Variants in EAPP observed in about 807,000 individuals in gnomAD.
The protein encoded by EAPP is E2F-associated phosphoprotein.
Under a neutral mutation model 34.3 loss-of-function variants are expected in EAPP, and 38 were observed. The observed-to-expected ratio is 1.11, with a 90% CI of 0.85 to 1.45. EAPP has a LOEUF of 1.45. EAPP is among the 40% of genes most tolerant of loss of function. The pLI is 0.00. For synonymous variants in EAPP, 113 were observed against 117.6 expected, an observed-to-expected ratio of 0.96 and a Z score of 0.25; for missense variants, 338 against 343.7, an observed-to-expected ratio of 0.98 and a Z score of 0.13.
chr14:34,522,582 T>G (rs1485301127), intron 5 of EAPP, among the ~76,000 whole-genome samples: 1 of 152,176 alleles, frequency 6.6e-6, no homozygotes, highest in Non-Finnish European at 1.5e-5. Context: ...GCCTAGAGAT[T>G]CTTTGTAATT....
chr14:34,533,502 C>A lies in EAPP; in HGVS notation c.294G>T (p.Pro98=). The A allele has an allele frequency of 6.3e-7, 1 of 1,599,414 alleles. No homozygotes were observed. The highest frequency in any genetic ancestry group is 8.5e-7 in the Non-Finnish European group (1 of 1,175,954). The change falls in exon 3 of 6, where the codon CCG becomes CCT. Residue 98 remains proline (P), a synonymous_variant. Transcript: ENST00000250454. ...AATATATATCATCGTAGTACCTTGT[C>A]GGAGCTGTTGCAACTTTTCCATTTC... is the stretch of plus-strand genomic sequence containing the variant. ...SSGNGKVATA[P]TRYYDDIYFD...
intron 5 of EAPP, among the ~76,000 whole-genome samples, chr14:34,522,740 A>G: frequency 6.6e-6 from 1 of 152,220 alleles, no homozygotes; most frequent in East Asian, 1.9e-4. Context: ...GTGGGTCCCA[A>G]AGAGGATAGG....
intron 2 of EAPP, among the ~76,000 whole-genome samples, 193 bp from the exon 3 acceptor site, chr14:34,533,732 A>T (rs1880372764): frequency 6.6e-6 from 1 of 152,206 alleles, no homozygotes; most frequent in Non-Finnish European, 1.5e-5. Flanking sequence ...GGCCCTCCTT[A>T]AAATGTTCCA....
chr14:34,538,248 G>A (rs537801086), intron 1 of EAPP, among the ~76,000 whole-genome samples: 10 of 152,150 alleles, frequency 6.6e-5, no homozygotes, highest in South Asian at 2.1e-4. Context: ...GTGTGGTAGC[G>A]CATGCCTGTA....
chr14:34,528,508 A>G (rs1163113449), intron 4 of EAPP, among the ~76,000 whole-genome samples: 1 of 124,940 alleles, frequency 8.0e-6, no homozygotes, highest in African/African-American at 3.2e-5. Context: ...TGCAACCTCC[A>G]CCTCCCAGGT....
At chr14:34,538,572 A>G (rs1481873736) in intron 1 of EAPP, among the ~76,000 whole-genome samples, 5 of 141,824 alleles carry the variant, frequency 3.5e-5, no homozygotes, top group Admixed American at 3.0e-4. Context: ...ATGAGGAAAC[A>G]TTGTTCTTTT....
chr14:34,532,229 G>A (rs1435244439), intron 3 of EAPP, among the ~76,000 whole-genome samples: 9 of 151,742 alleles, frequency 5.9e-5, no homozygotes, highest in Admixed American at 1.3e-4. Flanking sequence ...AGGCTGAGGC[G>A]GGTGGATCAC....
intron 5 of EAPP, among the ~76,000 whole-genome samples, chr14:34,524,177 G>A (rs1442047578): frequency 1.3e-5 from 2 of 152,156 alleles, no homozygotes; most frequent in Non-Finnish European, 2.9e-5. Context: ...GGATCACAAG[G>A]TCAGGAGTTC....
chr14:34,533,969 C>T (rs562552929), intron 2 of EAPP, among the ~76,000 whole-genome samples: 1 of 152,180 alleles, frequency 6.6e-6, no homozygotes, highest in East Asian at 1.9e-4. Flanking sequence ...TCAGTTGTGC[C>T]CAGGACCATG....
chr14:34,537,008 T>A (rs8014739), intron 1 of EAPP, among the ~76,000 whole-genome samples: 53,011 of 151,940 alleles, frequency 0.35, 9,533 homozygotes, highest in Non-Finnish European at 0.4. Context: ...TTCTTTTTTT[T>A]TTATTATTTT....
At chr14:34,534,667 A>C (rs928912885) in intron 2 of EAPP, among the ~76,000 whole-genome samples, 1 of 152,066 alleles carries the variant, frequency 6.6e-6, no homozygotes, top group Non-Finnish European at 1.5e-5. Flanking sequence ...GCAAGTAAAC[A>C]GTATTAACTA....
At position 34,539,534 on chromosome 14, in the gene EAPP, C is replaced by G. The variant is rs758386761; in HGVS notation, c.74+21G>C. On this transcript the variant is annotated intron_variant, in intron 1 of 5. Coordinates refer to ENST00000250454, the MANE Select transcript of EAPP (RefSeq NM_018453.4). ...GGCCTCGACCCAAATCCTCGGGGGC[C>G]AGGGTGGGGCGGGAGCCCACCTGCT... 3.7e-6 allele frequency: 6 copies of G among 1,603,626 alleles called. No homozygotes were observed. In the African/African-American group the frequency reaches 8.0e-5, roughly 21 times the overall value.
intron 5 of EAPP, among the ~76,000 whole-genome samples, chr14:34,523,526 G>GTGT (rs767535425): frequency 2.5e-5 from 3 of 119,536 alleles, no homozygotes; most frequent in Non-Finnish European, 5.1e-5. Context: ...CGCCCAGCCC[G>GTGT]TTTTTTTTTT....
At chr14:34,535,537 A>G (rs892175419) in intron 2 of EAPP, among the ~76,000 whole-genome samples, 6 of 148,056 alleles carry the variant, frequency 4.1e-5, no homozygotes, top group African/African-American at 1.5e-4. Flanking sequence ...GGTTCATGCC[A>G]TTCTCCTGCC....
chr14:34,525,228 G>C (rs1401198357), intron 4 of EAPP, among the ~76,000 whole-genome samples: 1 of 152,202 alleles, frequency 6.6e-6, no homozygotes, highest in Non-Finnish European at 1.5e-5. Flanking sequence ...TTCCCTCACA[G>C]TGGTGGAGTA....
Position 34,535,557 on chromosome 14 carries a change from C to T in EAPP, c.256+537G>A, listed in dbSNP as rs184247337. Among the ~76,000 whole-genome samples the T allele has an allele frequency of 3.7e-3, 554 of 151,752 alleles. 4 individuals carry two copies. Among genetic ancestry groups the T allele is most frequent in the African/African-American group, 0.013 (535 of 41,410 alleles). The stretch of plus-strand genomic sequence containing the variant: ...ATGCCATTCTCCTGCCTCAGCCTCC[C>T]GAGTAGCTGGGACTACAGGCGCCTG... On this transcript the variant is annotated intron_variant, in intron 2 of 5. Coordinates refer to ENST00000250454, the MANE Select transcript of EAPP (RefSeq NM_018453.4).
At chr14:34,532,951 A>G (rs1434866449) in intron 3 of EAPP, among the ~76,000 whole-genome samples, 2 of 152,150 alleles carry the variant, frequency 1.3e-5, no homozygotes, top group Non-Finnish European at 2.9e-5. Context: ...TGCTGGGATT[A>G]CAAGCGTGAG....
intron 2 of EAPP, among the ~76,000 whole-genome samples, chr14:34,534,847 T>G (rs1880414197): frequency 6.6e-6 from 1 of 151,808 alleles, no homozygotes; most frequent in African/African-American, 2.4e-5. Context: ...CAAATTTTTT[T>G]TTTTTTTTTT....
At chr14:34,526,372 G>A (rs2138893163) in intron 4 of EAPP, among the ~76,000 whole-genome samples, 1 of 151,890 alleles carries the variant, frequency 6.6e-6, no homozygotes, top group East Asian at 1.9e-4. Context: ...AGGTCACAGT[G>A]AGCCGAAATT....
Sources: gnomAD v4.1 joint callset for allele counts (sites outside exome capture counted in the v4.1 genomes callset) on GRCh38, gnomAD v4.1.1 for gene constraint, MANE v1.5 for transcripts, NCBI Gene and HGNC (gene_info 2026-07-23, HGNC 2026-07-21) for gene names.